TTC7B: variants seen among roughly 807,000 people sequenced by gnomAD.
TTC7B encodes the protein tetratricopeptide repeat protein 7B.
In TTC7B, 28 loss-of-function variants were observed where a neutral mutation model predicts 106.8. The observed-to-expected ratio is 0.26, with a 90% confidence interval of 0.19 to 0.36. The LOEUF (loss-of-function observed/expected upper bound fraction) is 0.36. Ranked by LOEUF, TTC7B falls within the 10% of genes least tolerant of loss-of-function variation. The pLI is 1.00. For missense variants in TTC7B, 862 were observed against 1,076.4 expected (o/e 0.80, Z 2.79); for synonymous variants, 405 against 430.6 (o/e 0.94, Z 0.74).
At chr14:90,687,702 G>C (rs1887301086) in intron 7 of TTC7B, among the ~76,000 whole-genome samples, 1 of 152,218 alleles carries the variant, frequency 6.6e-6, no homozygotes, top group Admixed American at 6.5e-5. Context: ...TGCTAGAACA[G>C]ATGTTCTATG....
chr14:90,653,725 G>A (rs759436337), intron 12 of TTC7B, among the ~76,000 whole-genome samples: 1 of 152,188 alleles, frequency 6.6e-6, no homozygotes. Context: ...CTGCCAGGGG[G>A]TCAATGTGGC....
chr14:90,600,570 T>C lies in TTC7B; in HGVS notation c.1967-6944A>G, dbSNP rs973628217. ...CAGTTTCCCACTGACTTTAACATAA[T>C]ATCAAGCACCGTTTAAACCTGACAG... On this transcript the variant is annotated intron_variant, in intron 17 of 19. Coordinates refer to ENST00000328459, the MANE Select transcript of TTC7B (RefSeq NM_001010854.2). The surrounding 1 kb of genome is among the most constrained non-coding windows in gnomAD (Gnocchi z 4.3). Among the ~76,000 whole-genome samples the C allele has an allele frequency of 1.3e-5, 2 of 152,156 alleles. No individual in the cohort carries two copies. The highest frequency in any genetic ancestry group is 6.5e-5 in the Admixed American group (1 of 15,292).
intron 19 of TTC7B, among the ~76,000 whole-genome samples, chr14:90,555,745 T>A (rs1890274134): frequency 6.6e-6 from 1 of 152,212 alleles, no homozygotes; most frequent in African/African-American, 2.4e-5. Flanking sequence ...ACATCAGTCA[T>A]CTCTCAGCTC....
chr14:90,649,019 C>T (rs902497282), intron 13 of TTC7B: 4 of 152,188 alleles, frequency 2.6e-5, no homozygotes, highest in Non-Finnish European at 5.9e-5. Flanking sequence ...TGAGGGTGTA[C>T]ATAAAGATAG....
chr14:90,547,903 G>A lies in TTC7B; in HGVS notation c.2311-6314C>T, dbSNP rs547206416. 5.9e-5 allele frequency among the ~76,000 whole-genome samples: 9 copies of A among 152,244 alleles called. No individual in the cohort carries two copies. The South Asian group carries it at 1.0e-3, about 18-fold the overall frequency. On this transcript the variant is annotated intron_variant, in intron 19 of 19. Coordinates refer to ENST00000328459, the MANE Select transcript of TTC7B (RefSeq NM_001010854.2). ...ACAGACCACTGCTTGTCCCTCTAACGGTACAGATACAGGGAGATAACGTCC... is the reference window on the plus strand; with the variant it reads ...ACAGACCACTGCTTGTCCCTCTAACAGTACAGATACAGGGAGATAACGTCC...
chr14:90,694,616 AAT>A (rs1333157743), intron 6 of TTC7B, among the ~76,000 whole-genome samples: 1 of 147,682 alleles, frequency 6.8e-6, no homozygotes, highest in East Asian at 1.9e-4. Context: ...ATATATGTAT[AAT>A]ATATGTCACA....
chr14:90,771,694 C>T (rs1890868289), intron 3 of TTC7B, among the ~76,000 whole-genome samples: 1 of 151,822 alleles, frequency 6.6e-6, no homozygotes, highest in African/African-American at 2.4e-5. Flanking sequence ...TAATTGTACA[C>T]ACATACACAC....
At chr14:90,627,411 C>G (rs1884494833) in intron 15 of TTC7B, among the ~76,000 whole-genome samples, 1 of 152,142 alleles carries the variant, frequency 6.6e-6, no homozygotes, top group Non-Finnish European at 1.5e-5. Flanking sequence ...GAGCGCAAGG[C>G]TGCATCATCC....
rs555893196 is a variant in TTC7B, at chr14:90,757,112, C to T, written c.446-12190G>A. On this transcript the variant is annotated intron_variant, in intron 3 of 19. Transcript: ENST00000328459. The surrounding 1 kb of genome is among the most constrained non-coding windows in gnomAD (Gnocchi z 4.1). The stretch of plus-strand genomic sequence containing the variant: ...CTTAACGTGGTGGATCTCCACCAGG[C>T]ATGGCCCCACAGCGCCCCCTCACAA... Among the ~76,000 whole-genome samples, 1 of 152,186 alleles carries T rather than the reference C, an allele frequency of 6.6e-6. No homozygotes were observed. The highest frequency in any genetic ancestry group is 2.4e-5 in the African/African-American group (1 of 41,440).
At chr14:90,793,251 C>A (rs1891647341) in intron 1 of TTC7B, among the ~76,000 whole-genome samples, 1 of 152,144 alleles carries the variant, frequency 6.6e-6, no homozygotes, top group African/African-American at 2.4e-5. Flanking sequence ...TGGCCAGGCA[C>A]AGTGGCTCAT....
At chr14:90,565,310 C>T (rs1025823215) in intron 19 of TTC7B, among the ~76,000 whole-genome samples, 15 of 151,918 alleles carry the variant, frequency 9.9e-5, no homozygotes, top group African/African-American at 3.4e-4. Flanking sequence ...CCTTTGTATT[C>T]GCAACTTGGC....
chr14:90,601,375 A>G (rs1287151354), intron 17 of TTC7B, among the ~76,000 whole-genome samples: 2 of 152,168 alleles, frequency 1.3e-5, no homozygotes, highest in Non-Finnish European at 2.9e-5. Context: ...AGCTCAATAA[A>G]ATGCTTGCCA....
At chr14:90,646,864 A>T (rs1335358863) in intron 14 of TTC7B, 87 bp downstream of exon 14, 1 of 1,224,946 alleles carries the variant, frequency 8.2e-7, no homozygotes, top group Non-Finnish European at 1.2e-6. Flanking sequence ...ATAAAGGAAG[A>T]TCACCTACCA....
At chr14:90,605,654 A>C (rs777618021) in intron 17 of TTC7B, 1 of 1,289,344 alleles carries the variant, frequency 7.8e-7, no homozygotes. Context: ...GCAGGGGGCC[A>C]CACAAAGGTA....
intron 5 of TTC7B, among the ~76,000 whole-genome samples, chr14:90,710,242 G>A (rs146756350): frequency 6.6e-6 from 1 of 152,228 alleles, no homozygotes; most frequent in African/African-American, 2.4e-5. Flanking sequence ...CTGCAGGCAT[G>A]GTGATAATAG....
chr14:90,683,328 C>T (rs1248762357), intron 7 of TTC7B, among the ~76,000 whole-genome samples: 2 of 152,062 alleles, frequency 1.3e-5, no homozygotes, highest in African/African-American at 4.8e-5. Context: ...GAGATACTAC[C>T]AGGAAATTCC....
chr14:90,639,039 TA>T (rs982718515), intron 15 of TTC7B, among the ~76,000 whole-genome samples: 5 of 152,140 alleles, frequency 3.3e-5, no homozygotes, highest in Non-Finnish European at 4.4e-5. Flanking sequence ...CATACACACA[TA>T]AAACAGTCCA....
intron 2 of TTC7B, 93 bp from the exon 3 acceptor site, chr14:90,780,999 A>C: frequency 9.1e-7 from 1 of 1,101,972 alleles, no homozygotes; most frequent in Non-Finnish European, 1.3e-6. Context: ...GTAAAACCCC[A>C]CAGCTCCCCG....
intron 3 of TTC7B, among the ~76,000 whole-genome samples, chr14:90,749,823 C>A (rs1037557894): frequency 6.6e-6 from 1 of 152,192 alleles, no homozygotes; most frequent in East Asian, 1.9e-4. Context: ...GTGTACTTTT[C>A]ATATCAGACA....
Sources: allele counts gnomAD v4.1 joint callset (sites outside exome capture counted in the v4.1 genomes callset), GRCh38; gene constraint gnomAD v4.1.1; non-coding constraint Gnocchi (gnomAD v3.1); transcripts MANE v1.5; gene names NCBI Gene and HGNC (gene_info 2026-07-23, HGNC 2026-07-21).